The following SLC22A23 variants were observed in gnomAD, a reference collection of about 807,000 sequenced individuals.
SLC22A23 encodes solute carrier family 22 member 23, also known as ion transporter protein.
In SLC22A23, 26 loss-of-function variants were observed where a neutral mutation model predicts 61.0. The ratio of observed to expected loss-of-function variants is 0.43; its 90% confidence interval spans 0.31 to 0.59. SLC22A23 has a LOEUF of 0.59. Among genes scored for constraint, SLC22A23 ranks in the 20% least tolerant of loss-of-function variants. The pLI is 0.11. For missense variants in SLC22A23, 796 were observed against 934.7 expected, an observed-to-expected ratio of 0.85 and a Z score of 1.94; for synonymous variants, 430 against 413.9, an observed-to-expected ratio of 1.04 and a Z score of -0.47.
chr6:3,314,553 A>T (rs1762529327), intron 4 of SLC22A23, among the ~76,000 whole-genome samples: 1 of 152,240 alleles, frequency 6.6e-6, no homozygotes, highest in Non-Finnish European at 1.5e-5. Flanking sequence ...GCAGGGTTTA[A>T]GAAACAAACC....
chr6:3,280,649 C>A (rs1759381311), intron 9 of SLC22A23, among the ~76,000 whole-genome samples: 1 of 151,930 alleles, frequency 6.6e-6, no homozygotes, highest in African/African-American at 2.4e-5. Context: ...GCGCCCGCCA[C>A]CACGCCCGGC....
At chr6:3,453,584 C>T (rs1772253736) in intron 1 of SLC22A23, among the ~76,000 whole-genome samples, 1 of 152,148 alleles carries the variant, frequency 6.6e-6, no homozygotes, top group Non-Finnish European at 1.5e-5. Flanking sequence ...AGAACTGTGC[C>T]TGGTAGCTCT....
rs1373306630 is a variant in SLC22A23 at position 3,410,034 on chromosome 6, G to T, written c.913+154C>A. ...AATGTTTCACGGCATCACCTGAAAA[G>T]CCTCTTTCACAACACTTGAGGCCTT... On this transcript the variant is annotated intron_variant, in intron 3 of 9. Coordinates refer to ENST00000406686, the MANE Select transcript of SLC22A23 (RefSeq NM_015482.2). This position sits in a 1 kb window ranked among gnomAD's most constrained non-coding sequence, Gnocchi z 5.0. Among the ~76,000 whole-genome samples the T allele has an allele frequency of 6.6e-6, 1 of 152,188 alleles. No individual in the cohort carries two copies. The highest frequency in any genetic ancestry group is 6.5e-5 in the Admixed American group (1 of 15,282).
chr6:3,427,776 C>T lies in SLC22A23; in HGVS notation c.655-11921G>A, dbSNP rs1009324650. Among the ~76,000 whole-genome samples the T allele has an allele frequency of 1.3e-5, 2 of 152,192 alleles. No homozygotes were observed. Among genetic ancestry groups the T allele is most frequent in the Non-Finnish European group, 2.9e-5 (2 of 68,046 alleles). ...TTCTCAAAAGCTGACAACACGATTACACCCAAGAGTGTGTTTTTATTTTCT... is the reference window on the plus strand; with the variant it reads ...TTCTCAAAAGCTGACAACACGATTATACCCAAGAGTGTGTTTTTATTTTCT... On this transcript the variant is annotated intron_variant, in intron 1 of 9. Coordinates refer to ENST00000406686, the MANE Select transcript of SLC22A23 (RefSeq NM_015482.2). This position sits in a 1 kb window ranked among gnomAD's most constrained non-coding sequence, Gnocchi z 4.3.
At chr6:3,314,013 G>C (rs1762500193) in intron 4 of SLC22A23, among the ~76,000 whole-genome samples, 1 of 152,166 alleles carries the variant, frequency 6.6e-6, no homozygotes, top group African/African-American at 2.4e-5. Flanking sequence ...TGCGCAATAA[G>C]AGCAGAACTC....
At chr6:3,362,328 G>A (rs970802668) in intron 3 of SLC22A23, among the ~76,000 whole-genome samples, 6 of 146,686 alleles carry the variant, frequency 4.1e-5, no homozygotes, top group Non-Finnish European at 7.5e-5. Flanking sequence ...GCTTGAATCC[G>A]GGAGGCAGAA....
chr6:3,413,089 G>A (rs1769383884), intron 2 of SLC22A23, among the ~76,000 whole-genome samples: 1 of 152,182 alleles, frequency 6.6e-6, no homozygotes, highest in South Asian at 2.1e-4. Flanking sequence ...GGTCTCAACA[G>A]GAAACAGAGG....
At position 3,317,853 on chromosome 6, in the gene SLC22A23, C is replaced by T. The variant is rs1055776512; in HGVS notation, c.1082+5981G>A. Among the ~76,000 whole-genome samples, 1 of 152,166 alleles carries T rather than the reference C, an allele frequency of 6.6e-6. No homozygotes were observed. The highest frequency in any genetic ancestry group is 1.5e-5 in the Non-Finnish European group (1 of 68,024). ...CGAGCGCACCCTCCCATTCTCTGGC[C>T]ACCAGCTGCCGCAGCTCTTCCTTCA... On this transcript the variant is annotated intron_variant, in intron 4 of 9. Coordinates refer to ENST00000406686, the MANE Select transcript of SLC22A23 (RefSeq NM_015482.2). This position sits in a 1 kb window ranked among gnomAD's most constrained non-coding sequence, Gnocchi z 4.4.
chr6:3,335,137 A>C (rs1763779467), intron 3 of SLC22A23, among the ~76,000 whole-genome samples: 1 of 152,220 alleles, frequency 6.6e-6, no homozygotes, highest in Non-Finnish European at 1.5e-5. Flanking sequence ...CAGCTAATGA[A>C]ACAAAGGGTC....
chr6:3,322,558 G>A lies in SLC22A23; in HGVS notation c.1082+1276C>T, dbSNP rs547810202. ...AGAGGAGCTCAGTTCGGGCAGCGGT[G>A]GCTGCTGAGTGGCCTCTCTGGCAGG... On this transcript the variant is annotated intron_variant, in intron 4 of 9. Transcript: ENST00000406686. The surrounding 1 kb of genome is among the most constrained non-coding windows in gnomAD (Gnocchi z 4.1). 6.6e-6 allele frequency among the ~76,000 whole-genome samples: 1 copy of A among 152,294 alleles called. No individual in the cohort carries two copies. The highest frequency in any genetic ancestry group is 1.9e-4 in the East Asian group (1 of 5,186).
At chr6:3,448,730 G>T (rs557842838) in intron 1 of SLC22A23, among the ~76,000 whole-genome samples, 3 of 151,864 alleles carry the variant, frequency 2.0e-5, no homozygotes, top group Admixed American at 2.0e-4. Context: ...TCCTGACCTC[G>T]TGATCCGCCC....
At chr6:3,354,649 T>C (rs1015091801) in intron 3 of SLC22A23, among the ~76,000 whole-genome samples, 2 of 152,230 alleles carry the variant, frequency 1.3e-5, no homozygotes, top group Non-Finnish European at 2.9e-5. Context: ...TTTTAGTTGA[T>C]GTCCCAGTAA....
chr6:3,291,314 G>T (rs1242861429), intron 5 of SLC22A23: 3 of 152,320 alleles, frequency 2.0e-5, no homozygotes, highest in South Asian at 4.1e-4. Flanking sequence ...CGGTAGGAGG[G>T]TCACAAAGCT....
intron 1 of SLC22A23, among the ~76,000 whole-genome samples, chr6:3,436,140 C>G (rs1382697978): frequency 6.6e-6 from 1 of 151,418 alleles, no homozygotes; most frequent in Non-Finnish European, 1.5e-5. Context: ...CTCTGGACTT[C>G]CAGAAATGTC....
Position 3,427,596 on chromosome 6 carries a change from C to T in SLC22A23, c.655-11741G>A, listed in dbSNP as rs947106607. On this transcript the variant is annotated intron_variant, in intron 1 of 9. Coordinates refer to ENST00000406686, the MANE Select transcript of SLC22A23 (RefSeq NM_015482.2). The surrounding 1 kb of genome is among the most constrained non-coding windows in gnomAD (Gnocchi z 4.3). ...TCTACCCGGGGCTCTACCGTGCTTT[C>T]AGGTCCTCCCACCACCTCTCAGGAT... 2.6e-5 allele frequency among the ~76,000 whole-genome samples: 4 copies of T among 152,140 alleles called. No individual in the cohort carries two copies. The highest frequency in any genetic ancestry group is 4.4e-5 in the Non-Finnish European group (3 of 68,028).
chr6:3,393,188 G>C (rs978582950), intron 3 of SLC22A23, among the ~76,000 whole-genome samples: 2 of 152,290 alleles, frequency 1.3e-5, no homozygotes, highest in African/African-American at 4.8e-5. Context: ...CCTGAGCAGC[G>C]GGGGTGACGA....
At chr6:3,366,429 C>T (rs563565653) in intron 3 of SLC22A23, among the ~76,000 whole-genome samples, 14 of 151,564 alleles carry the variant, frequency 9.2e-5, no homozygotes, top group African/African-American at 3.4e-4. Flanking sequence ...CTTGGTCCAC[C>T]TTGTGAGCCA....
intron 3 of SLC22A23, among the ~76,000 whole-genome samples, chr6:3,347,650 C>G (rs1483953288): frequency 6.6e-6 from 1 of 152,016 alleles, no homozygotes; most frequent in East Asian, 1.9e-4. Context: ...TCTCAATGGT[C>G]TTCTCTTTCT....
At chr6:3,349,419 AC>A (rs1179905072) in intron 3 of SLC22A23, among the ~76,000 whole-genome samples, 1 of 151,816 alleles carries the variant, frequency 6.6e-6, no homozygotes, top group Non-Finnish European at 1.5e-5. Context: ...CCCAATGCCA[AC>A]CCCGAGGCAA....
Sources: allele counts gnomAD v4.1 joint callset (sites outside exome capture counted in the v4.1 genomes callset), GRCh38; gene constraint gnomAD v4.1.1; non-coding constraint Gnocchi (gnomAD v3.1); transcripts MANE v1.5; gene names NCBI Gene and HGNC (gene_info 2026-07-23, HGNC 2026-07-21).